SHF: variants seen among roughly 807,000 people sequenced by gnomAD.
SHF encodes the protein Src homology 2 domain containing F, also known as SH2 domain-containing adapter protein F.
Under a neutral mutation model 42.4 loss-of-function variants are expected in SHF, and 30 were observed. That is an observed-to-expected ratio of 0.71 (90% CI 0.53 to 0.96). The LOEUF is 0.96. SHF is among the 40% of genes least tolerant of loss of function. The pLI is 0.00. For synonymous variants in SHF, 264 were observed against 269.9 expected (o/e 0.98, Z 0.21); for missense variants, 598 against 634.0 (o/e 0.94, Z 0.61).
At chr15:45,187,353 G>C (rs1898478876) in intron 1 of SHF, 101 bp downstream of exon 1, 7 of 1,146,498 alleles carry the variant, frequency 6.1e-6, no homozygotes, top group Non-Finnish European at 7.7e-6. Flanking sequence ...CAGAAGCTGA[G>C]ACACCGAGGG....
chr15:45,198,689 G>T (rs1454886386), intron 2 of SHF: 4 of 1,506,948 alleles, frequency 2.7e-6, no homozygotes, highest in Admixed American at 2.0e-5. Flanking sequence ...AGCTACCGGG[G>T]ACCCGTAGGG....
upstream of SHF, among the ~76,000 whole-genome samples, chr15:45,188,235 GTCCC>G (rs1898580405): frequency 6.6e-6 from 1 of 152,128 alleles, no homozygotes. Context: ...TCGCCACGCG[GTCCC>G]CTGTGGGGAG....
At chr15:45,173,828 G>T in intron 3 of SHF, 112 bp from the exon 4 acceptor site, 1 of 1,277,358 alleles carries the variant, frequency 7.8e-7, no homozygotes, top group Non-Finnish European at 1.1e-6. Context: ...CTAGAAATGA[G>T]GAGGGGCAGA....
At chr15:45,189,197 A>G (rs1176273707), upstream of SHF, among the ~76,000 whole-genome samples, 1 of 150,236 alleles carries the variant, frequency 6.7e-6, no homozygotes, top group Non-Finnish European at 1.5e-5. Context: ...CGTCTCAAAA[A>G]AAAAAAAAAA....
chr15:45,199,953 C>CAAAAAAAAAAAAAAA (rs56982094), intron 1 of SHF: 2 of 59,520 alleles, frequency 3.4e-5, no homozygotes, highest in African/African-American at 1.1e-4. Context: ...GGCTCCATCT[C>CAAAAAAAAAAAAAAA]AAAAAAAAAA....
chr15:45,187,322 G>C, intron 1 of SHF, 132 bp downstream of exon 1: 1 of 885,564 alleles, frequency 1.1e-6, no homozygotes, highest in Non-Finnish European at 1.5e-6. Context: ...CGGAACCCCG[G>C]GGTCAGGGGC....
At chr15:45,183,571 T>C (rs1437653342) in intron 1 of SHF, among the ~76,000 whole-genome samples, 1 of 152,216 alleles carries the variant, frequency 6.6e-6, no homozygotes, top group African/African-American at 2.4e-5. Flanking sequence ...CATAATATGT[T>C]GACTCTGTGG....
intron 1 of SHF, among the ~76,000 whole-genome samples, chr15:45,182,173 AC>A (rs1567036457): frequency 6.6e-6 from 1 of 151,890 alleles, no homozygotes; most frequent in African/African-American, 2.4e-5. Flanking sequence ...CACATCCCTG[AC>A]CCCCACCACG....
rs548509163 is a variant in SHF at position 45,177,636 on chromosome 15, C to A, written c.640+529G>T. Among the ~76,000 whole-genome samples the A allele has an allele frequency of 3.9e-4, 60 of 152,230 alleles. 1 individual carries two copies. The highest frequency in any genetic ancestry group is 6.8e-4 in the Non-Finnish European group (46 of 68,024). On this transcript the variant is annotated intron_variant, in intron 2 of 6. Coordinates refer to ENST00000690270, the MANE Select transcript of SHF (RefSeq NM_001394037.1). ...CTCTCACCCTGCCTCAGGGCCGTGG[C>A]TTGGACAGACCCACCCTGTCCTCTC...
At chr15:45,198,583 T>C (rs12324467) in intron 2 of SHF, 1 of 603,738 alleles carries the variant, frequency 1.7e-6, no homozygotes. Context: ...ACCGAGCCCC[T>C]TGCCGTGCCA....
chr15:45,182,288 G>C (rs1898168451), intron 1 of SHF, among the ~76,000 whole-genome samples: 1 of 152,166 alleles, frequency 6.6e-6, no homozygotes, highest in South Asian at 2.1e-4. Flanking sequence ...CCTTTCCTCT[G>C]TTTCTTTAGT....
chr15:45,193,358 A>T (rs1264136596), intron 2 of SHF, among the ~76,000 whole-genome samples: 1 of 152,222 alleles, frequency 6.6e-6, no homozygotes, highest in Admixed American at 6.5e-5. Context: ...GAAAGGTGGG[A>T]CAACTGGAGG....
At chr15:45,183,528 G>A (rs551369580) in intron 1 of SHF, among the ~76,000 whole-genome samples, 284 of 152,380 alleles carry the variant, frequency 1.9e-3, no homozygotes, top group African/African-American at 6.5e-3. Context: ...CAGGCCCACC[G>A]TATGCAGGGT....
chr15:45,185,171 T>C (rs1020485943), intron 1 of SHF, among the ~76,000 whole-genome samples: 8 of 152,186 alleles, frequency 5.3e-5, no homozygotes, highest in Admixed American at 2.0e-4. Flanking sequence ...GAGGAGAGAA[T>C]AGGCCAGCAC....
rs1406998051 is a variant in SHF, at chr15:45,178,163, AC to A, written c.640+1del. 6.2e-7 allele frequency: 1 copy of A among 1,611,948 alleles called. No homozygotes were observed. The highest frequency in any genetic ancestry group is 1.7e-5 in the Admixed American group (1 of 59,922). ...AGCACCTCCCCTGCCCCTGTCACTC[AC>A]CGGCCATCATCTTTTGAGCCTCATA... is the stretch of plus-strand genomic sequence containing the variant. On this transcript the variant is annotated splice_donor_variant, in intron 2 of 6. Coordinates refer to ENST00000690270, the MANE Select transcript of SHF (RefSeq NM_001394037.1). LOFTEE classifies it high-confidence loss of function.
chr15:45,174,455 G>C (rs994822743), intron 3 of SHF: 4 of 152,808 alleles, frequency 2.6e-5, no homozygotes, highest in East Asian at 1.9e-4. Flanking sequence ...CTGTCAGGGT[G>C]GGGAGGGCAG....
chr15:45,183,891 A>T (rs908209104), intron 1 of SHF, among the ~76,000 whole-genome samples: 15 of 152,250 alleles, frequency 9.9e-5, no homozygotes, highest in African/African-American at 3.6e-4. Flanking sequence ...ACGGCAGCAC[A>T]GATGGCCAGC....
chr15:45,194,644 G>A (rs1484481389), intron 2 of SHF, among the ~76,000 whole-genome samples: 2 of 151,878 alleles, frequency 1.3e-5, no homozygotes, highest in Non-Finnish European at 2.9e-5. Context: ...GAGCCACTGC[G>A]CCTGGCCTCC....
intron 1 of SHF, among the ~76,000 whole-genome samples, chr15:45,199,633 A>C (rs1899000440): frequency 6.6e-6 from 1 of 152,092 alleles, no homozygotes; most frequent in Non-Finnish European, 1.5e-5. Flanking sequence ...CCCATGCCTC[A>C]ATTTCACTCA....
Sources: allele counts gnomAD v4.1 joint callset (sites outside exome capture counted in the v4.1 genomes callset), GRCh38; gene constraint gnomAD v4.1.1; transcripts MANE v1.5; gene names NCBI Gene and HGNC (gene_info 2026-07-23, HGNC 2026-07-21).